The following EPHA6 variants were observed in gnomAD, a reference collection of about 807,000 sequenced individuals.
EPHA6 encodes EPH receptor A6.
EPHA6 carries 50 observed loss-of-function variants against 112.0 expected under a neutral mutation model. The ratio of observed to expected loss-of-function variants is 0.45; its 90% CI spans 0.36 to 0.56. EPHA6 has a LOEUF of 0.56. EPHA6 is among the 20% of genes least tolerant of loss of function. EPHA6 has a pLI of 0.00. For synonymous variants in EPHA6, 529 were observed against 490.7 expected (o/e 1.08, Z -1.03); for missense variants, 1,280 against 1,417.4 (o/e 0.90, Z 1.56).
intron 3 of EPHA6, among the ~76,000 whole-genome samples, chr3:97,064,027 A>G (rs892642114): frequency 6.6e-6 from 1 of 152,212 alleles, no homozygotes; most frequent in Non-Finnish European, 1.5e-5. Context: ...ACAAGGGCTC[A>G]GGAAATTTCA....
rs1392979156 is a variant in EPHA6, at chr3:97,760,576, A to T, written c.*11875A>T. ...GATATAGATGTACATATACATATGT[A>T]TTTGATTAAACACTTTAAATTTTAA... On this transcript the variant is annotated 3_prime_UTR_variant, in exon 18 of 18. Coordinates refer to ENST00000389672, the MANE Select transcript of EPHA6 (RefSeq NM_001080448.3). 1 of 179,278 alleles carries T rather than the reference A, an allele frequency of 5.6e-6. No homozygotes were observed. Among genetic ancestry groups the T allele is most frequent in the Non-Finnish European group, 1.2e-5 (1 of 83,722 alleles). 11.1% of individuals were successfully genotyped at this position (179,278 alleles called of 1,614,324 possible).
chr3:97,569,258 T>C (rs1006647290), intron 11 of EPHA6, among the ~76,000 whole-genome samples: 2 of 152,190 alleles, frequency 1.3e-5, no homozygotes, highest in Non-Finnish European at 2.9e-5. Context: ...ATGATGTATC[T>C]CAACATATAG....
At chr3:97,302,817 G>C (rs1345571407) in intron 5 of EPHA6, among the ~76,000 whole-genome samples, 4 of 151,688 alleles carry the variant, frequency 2.6e-5, no homozygotes, top group Non-Finnish European at 5.9e-5. Context: ...ATATTCAATG[G>C]AAATATTTCT....
At chr3:97,565,011 T>G (rs557974302) in intron 11 of EPHA6, among the ~76,000 whole-genome samples, 3 of 152,012 alleles carry the variant, frequency 2.0e-5, no homozygotes, top group African/African-American at 7.2e-5. Flanking sequence ...AGAGATGATA[T>G]CCACAATATT....
At chr3:96,900,443 C>G (rs780272185) in intron 2 of EPHA6, among the ~76,000 whole-genome samples, 3 of 152,102 alleles carry the variant, frequency 2.0e-5, no homozygotes, top group African/African-American at 4.8e-5. Flanking sequence ...GCATACATAT[C>G]TTTTTTCCCA....
intron 12 of EPHA6, among the ~76,000 whole-genome samples, chr3:97,605,863 C>A (rs1435927349): frequency 6.6e-6 from 1 of 151,510 alleles, no homozygotes; most frequent in African/African-American, 2.4e-5. Context: ...ATCAGTCCTT[C>A]CAATTTGTGA....
At chr3:96,846,365 G>A (rs2035074062) in intron 1 of EPHA6, among the ~76,000 whole-genome samples, 1 of 151,992 alleles carries the variant, frequency 6.6e-6, no homozygotes, top group Non-Finnish European at 1.5e-5. Flanking sequence ...CAGATTACGT[G>A]TTTCCACCGT....
chr3:97,697,988 A>C (rs1473190976), intron 14 of EPHA6, among the ~76,000 whole-genome samples: 18 of 152,036 alleles, frequency 1.2e-4, no homozygotes, highest in Admixed American at 1.2e-3. Context: ...GTAGATAGCC[A>C]ATGCATGTTT....
intron 3 of EPHA6, among the ~76,000 whole-genome samples, chr3:97,156,648 G>A (rs2076295745): frequency 6.6e-6 from 1 of 152,054 alleles, no homozygotes; most frequent in Admixed American, 6.6e-5. Context: ...TAGTTACTCT[G>A]GCATTAACAT....
Position 97,757,600 on chromosome 3 carries a change from T to A in EPHA6, c.*8899T>A, listed in dbSNP as rs1395087248. Among the ~76,000 whole-genome samples, 1 of 151,634 alleles carries A rather than the reference T, an allele frequency of 6.6e-6. No homozygotes were observed. Among genetic ancestry groups the A allele is most frequent in the African/African-American group, 2.4e-5 (1 of 41,374 alleles). On this transcript the variant is annotated 3_prime_UTR_variant, in exon 18 of 18. Coordinates refer to ENST00000389672, the MANE Select transcript of EPHA6 (RefSeq NM_001080448.3). ...TTCCAGCCATCATTAAATATAAAAA[T>A]AGTATATATAAAGATGCATAAAAAA...
chr3:97,678,128 C>A (rs902613204), intron 14 of EPHA6, among the ~76,000 whole-genome samples: 14 of 151,950 alleles, frequency 9.2e-5, no homozygotes, highest in African/African-American at 3.4e-4. Context: ...TGATAGGTGA[C>A]TATTACAGAG....
chr3:97,041,553 A>T (rs2045316161), intron 3 of EPHA6, among the ~76,000 whole-genome samples: 1 of 152,108 alleles, frequency 6.6e-6, no homozygotes, highest in Non-Finnish European at 1.5e-5. Context: ...ACTGTATTTC[A>T]ATCCAGATGT....
At chr3:97,708,219 T>A (rs1438306253) in intron 14 of EPHA6, among the ~76,000 whole-genome samples, 2 of 152,196 alleles carry the variant, frequency 1.3e-5, no homozygotes, top group Non-Finnish European at 2.9e-5. Context: ...GACAATGATA[T>A]CCAAGCTTAG....
At chr3:97,511,047 G>A (rs765855004) in intron 10 of EPHA6, among the ~76,000 whole-genome samples, 5 of 152,144 alleles carry the variant, frequency 3.3e-5, no homozygotes, top group Non-Finnish European at 5.9e-5. Context: ...CCCCCACCAA[G>A]CTGGAGCATC....
chr3:97,595,673 A>C (rs2093582601), intron 12 of EPHA6, among the ~76,000 whole-genome samples: 1 of 137,348 alleles, frequency 7.3e-6, no homozygotes, highest in African/African-American at 3.2e-5. Flanking sequence ...AAATCACAGG[A>C]GAGAAGAGGA....
intron 3 of EPHA6, among the ~76,000 whole-genome samples, chr3:97,170,127 A>AT (rs2076658777): frequency 6.6e-6 from 1 of 151,880 alleles, no homozygotes; most frequent in South Asian, 2.1e-4. Context: ...ACTTAAAGAA[A>AT]AAAAAAAAGC....
At chr3:96,897,373 C>T (rs970163192) in intron 2 of EPHA6, among the ~76,000 whole-genome samples, 7 of 152,126 alleles carry the variant, frequency 4.6e-5, no homozygotes, top group African/African-American at 1.7e-4. Context: ...TAGGTGCTAA[C>T]ACCTGACCAT....
intron 14 of EPHA6, among the ~76,000 whole-genome samples, chr3:97,649,973 C>A (rs1373811548): frequency 6.6e-6 from 1 of 152,110 alleles, no homozygotes; most frequent in Non-Finnish European, 1.5e-5. Context: ...AAGAGAAAAT[C>A]TGACAGTTTT....
rs189222852 is a variant in EPHA6, at chr3:97,033,126, G to A, written c.1114+45133G>A. ...GGAATACAGGGAATCCTGAGCAAGCGGTATTATGAGGAGGCTGCTGGAGAC... is the reference window on the plus strand; with the variant it reads ...GGAATACAGGGAATCCTGAGCAAGCAGTATTATGAGGAGGCTGCTGGAGAC... On this transcript the variant is annotated intron_variant, in intron 3 of 17. Transcript: ENST00000389672. 1.8e-4 allele frequency among the ~76,000 whole-genome samples: 28 copies of A among 151,986 alleles called. 1 individual carries two copies. The highest frequency in any genetic ancestry group is 6.3e-4 in the African/African-American group (26 of 41,498).
Sources: gnomAD v4.1 joint callset for allele counts (sites outside exome capture counted in the v4.1 genomes callset) on GRCh38, gnomAD v4.1.1 for gene constraint, MANE v1.5 for transcripts, NCBI Gene and HGNC (gene_info 2026-07-23, HGNC 2026-07-21) for gene names.